CADM2: variants seen among roughly 807,000 people sequenced by gnomAD.
CADM2 encodes the protein cell adhesion molecule 2.
In CADM2, 12 loss-of-function variants were observed where a neutral mutation model predicts 49.8. That is an observed-to-expected ratio of 0.24 (90% CI 0.15 to 0.39). The LOEUF (loss-of-function observed/expected upper bound fraction) is 0.39, where lower values mean the gene tolerates loss of function less well. CADM2 is among the 10% of genes least tolerant of loss of function. CADM2 has a pLI of 1.00. For synonymous variants in CADM2, 214 were observed against 175.4 expected, an observed-to-expected ratio of 1.22 and a Z score of -1.74; for missense variants, 378 against 492.3, an observed-to-expected ratio of 0.77 and a Z score of 2.20.
intron 8 of CADM2, among the ~76,000 whole-genome samples, chr3:86,019,680 G>T (rs1023699015): frequency 6.6e-6 from 1 of 152,038 alleles, no homozygotes; most frequent in East Asian, 1.9e-4. Context: ...CTCTCTGTTT[G>T]TCTGTTGTTG....
chr3:85,945,175 T>C (rs552604563), intron 7 of CADM2, among the ~76,000 whole-genome samples: 1 of 152,182 alleles, frequency 6.6e-6, no homozygotes, highest in East Asian at 1.9e-4. Flanking sequence ...TTAGAAAATC[T>C]AGAAGAAATG....
At chr3:85,158,451 A>C (rs1259873016) in intron 1 of CADM2, among the ~76,000 whole-genome samples, 1 of 152,232 alleles carries the variant, frequency 6.6e-6, no homozygotes, top group East Asian at 1.9e-4. Context: ...CAAATGTCCA[A>C]CAATGATAGA....
intron 1 of CADM2, among the ~76,000 whole-genome samples, chr3:85,124,293 C>A (rs1575924638): frequency 6.6e-6 from 1 of 152,078 alleles, no homozygotes; most frequent in African/African-American, 2.4e-5. Context: ...TTCCAATAAA[C>A]CCAAAATAAA....
chr3:85,521,155 C>T (rs181410475), intron 1 of CADM2, among the ~76,000 whole-genome samples: 8 of 152,188 alleles, frequency 5.3e-5, no homozygotes, highest in Admixed American at 2.0e-4. Context: ...TCCACTTTTC[C>T]TCAAAAATGA....
rs1491389728 is a variant in CADM2 at position 85,769,266 on chromosome 3, CATATAT to C, written c.89-32779_89-32774del. On this transcript the variant is annotated intron_variant, in intron 2 of 9. Coordinates refer to ENST00000383699, the MANE Select transcript of CADM2 (RefSeq NM_001167675.2). ...TATATACATATATAGTATATATACA[CATATAT>C]ACATATATACATATATAGTATATAT... 3.6e-3 allele frequency among the ~76,000 whole-genome samples: 333 copies of C among 92,758 alleles called. 13 individuals are homozygous for C. Among genetic ancestry groups the C allele is most frequent in the African/African-American group, 0.018 (294 of 16,378 alleles). 60.9% of individuals were successfully genotyped at this position (92,758 alleles called of 152,430 possible). A position where few individuals can be genotyped will look rare whatever the true frequency, so the allele number is the denominator to read the frequency against.
chr3:85,802,310 G>T, intron 3 of CADM2, 114 bp downstream of exon 3: 1 of 894,904 alleles, frequency 1.1e-6, no homozygotes, highest in Non-Finnish European at 1.6e-6. Context: ...AACTGCTGCT[G>T]CTTGTATTTA....
intron 1 of CADM2, among the ~76,000 whole-genome samples, chr3:85,168,148 C>T (rs904457065): frequency 7.9e-5 from 12 of 152,186 alleles, no homozygotes; most frequent in Admixed American, 2.6e-4. Flanking sequence ...CTCCACCTCC[C>T]GGATTCCAGT....
At chr3:84,982,718 TA>T (rs1296336644) in intron 1 of CADM2, among the ~76,000 whole-genome samples, 8 of 137,750 alleles carry the variant, frequency 5.8e-5, no homozygotes, top group African/African-American at 2.1e-4. Context: ...TATATATATA[TA>T]TATATATATA....
chr3:85,637,636 T>TA (rs373000793), intron 1 of CADM2, among the ~76,000 whole-genome samples: 10 of 147,604 alleles, frequency 6.8e-5, no homozygotes, highest in Non-Finnish European at 1.0e-4. Flanking sequence ...TAAAATAAAA[T>TA]AAATAAATAA....
At chr3:85,467,673 T>C (rs1372595096) in intron 1 of CADM2, among the ~76,000 whole-genome samples, 1 of 152,160 alleles carries the variant, frequency 6.6e-6, no homozygotes, top group Non-Finnish European at 1.5e-5. Context: ...AAATTACTAA[T>C]TGTGAGCTAA....
chr3:85,158,831 T>TA (rs1392133580), intron 1 of CADM2, among the ~76,000 whole-genome samples: 2 of 151,748 alleles, frequency 1.3e-5, no homozygotes, highest in Non-Finnish European at 2.9e-5. Flanking sequence ...CCCTAAAACT[T>TA]AAAGTATAAT....
rs1287802006 is a variant in CADM2 at position 86,048,161 on chromosome 3, A to G, written c.971-17444A>G. On this transcript the variant is annotated intron_variant, in intron 8 of 9. Transcript: ENST00000383699. Reference sequence around the variant, plus strand: ...ATCAACTAAATGTTATTTTTTTAACATTCAAAAACGTGCATTATGATTATG... The same window carrying G: ...ATCAACTAAATGTTATTTTTTTAACGTTCAAAAACGTGCATTATGATTATG... 2.0e-5 allele frequency among the ~76,000 whole-genome samples: 3 copies of G among 151,942 alleles called. No individual in the cohort carries two copies. In the East Asian group the frequency reaches 5.8e-4, roughly 29 times the overall value.
At chr3:85,093,591 T>C (rs1575847710) in intron 1 of CADM2, among the ~76,000 whole-genome samples, 1 of 152,206 alleles carries the variant, frequency 6.6e-6, no homozygotes, top group South Asian at 2.1e-4. Context: ...TGTAAGCTAT[T>C]GATTAAGGGA....
At chr3:85,553,596 C>A (rs2029132) in intron 1 of CADM2, among the ~76,000 whole-genome samples, 77,918 of 151,940 alleles carry the variant, frequency 0.51, 23,051 homozygotes, top group East Asian at 0.85. Context: ...CCTACAGAGC[C>A]GTGGTCCTCA....
chr3:85,210,206 A>G (rs541172985), intron 1 of CADM2, among the ~76,000 whole-genome samples: 1 of 152,312 alleles, frequency 6.6e-6, no homozygotes, highest in Admixed American at 6.5e-5. Context: ...GAGTTTTATC[A>G]AACTATTTTT....
At chr3:85,222,629 A>T (rs983723003) in intron 1 of CADM2, among the ~76,000 whole-genome samples, 6 of 152,192 alleles carry the variant, frequency 3.9e-5, no homozygotes, top group African/African-American at 1.2e-4. Flanking sequence ...GACTTGGAAT[A>T]ATAAAACTCT....
At chr3:85,672,205 T>TTG (rs2065760530) in intron 1 of CADM2, among the ~76,000 whole-genome samples, 1 of 150,724 alleles carries the variant, frequency 6.6e-6, no homozygotes, top group East Asian at 1.9e-4. Context: ...TTTTTTTTTT[T>TTG]TTTTTGAGAC....
chr3:85,261,601 T>C (rs2043015128), intron 1 of CADM2, among the ~76,000 whole-genome samples: 1 of 152,128 alleles, frequency 6.6e-6, no homozygotes, highest in African/African-American at 2.4e-5. Flanking sequence ...CTATTTTTAT[T>C]TTCTATAAGA....
intron 1 of CADM2, among the ~76,000 whole-genome samples, chr3:85,521,958 T>C (rs1423115410): frequency 1.3e-5 from 2 of 152,166 alleles, no homozygotes; most frequent in African/African-American, 4.8e-5. Context: ...GTCGCTTTTC[T>C]GGGGCGTGCT....
Sources: gnomAD v4.1 joint callset for allele counts (sites outside exome capture counted in the v4.1 genomes callset) on GRCh38, gnomAD v4.1.1 for gene constraint, MANE v1.5 for transcripts, NCBI Gene and HGNC (gene_info 2026-07-23, HGNC 2026-07-21) for gene names.